Variants in VEZT observed in about 807,000 individuals in gnomAD.
The protein encoded by VEZT is vezatin, adherens junctions transmembrane protein.
VEZT carries 39 observed loss-of-function variants against 79.9 expected under a neutral mutation model. The ratio of observed to expected loss-of-function variants is 0.49; its 90% CI spans 0.38 to 0.64. VEZT has a LOEUF of 0.64. Among genes scored for constraint, VEZT ranks in the 30% least tolerant of loss-of-function variants. The probability of loss-of-function intolerance (pLI) is 0.00; values close to 1 mark genes in which losing one functional copy is unlikely to be tolerated. For missense variants in VEZT, 837 were observed against 893.1 expected, an observed-to-expected ratio of 0.94 and a Z score of 0.80; for synonymous variants, 325 against 327.6, an observed-to-expected ratio of 0.99 and a Z score of 0.09.
intron 1 of VEZT, among the ~76,000 whole-genome samples, chr12:95,233,168 G>A (rs1181427189): frequency 1.3e-5 from 2 of 151,862 alleles, no homozygotes. Flanking sequence ...AAATTCTCAT[G>A]TAATTAGGTA....
chr12:95,278,150 A>G (rs2068176039), intron 7 of VEZT, among the ~76,000 whole-genome samples: 1 of 152,174 alleles, frequency 6.6e-6, no homozygotes, highest in Admixed American at 6.5e-5. Flanking sequence ...AAAGGATTAG[A>G]TGTTTGTCAG....
At chr12:95,226,917 C>G (rs1467072652) in intron 1 of VEZT, among the ~76,000 whole-genome samples, 1 of 137,942 alleles carries the variant, frequency 7.2e-6, no homozygotes, top group Non-Finnish European at 1.5e-5. Context: ...AATCTTCTAC[C>G]ATCATTCTAC....
chr12:95,240,779 A>G (rs2060901939), intron 1 of VEZT, among the ~76,000 whole-genome samples: 1 of 152,162 alleles, frequency 6.6e-6, no homozygotes, highest in Admixed American at 6.6e-5. Flanking sequence ...TTTTCAAATC[A>G]GTCATCGTCC....
At position 95,302,373 on chromosome 12, in the gene VEZT, C is replaced by A. The variant is rs955695326; in HGVS notation, c.*1700C>A. On this transcript the variant is annotated 3_prime_UTR_variant, in exon 12 of 12. Coordinates refer to ENST00000436874, the MANE Select transcript of VEZT (RefSeq NM_017599.4). The stretch of plus-strand genomic sequence containing the variant: ...TATTCAGTGTTCTCTAAGGTGATAC[C>A]TTTTAATTTTGAAAGACTAAATAAT... 2 of 151,938 alleles carry A rather than the reference C, an allele frequency of 1.3e-5. No homozygotes were observed. The highest frequency in any genetic ancestry group is 6.6e-5 in the Admixed American group (1 of 15,242). The allele number at this position is 151,938 out of a possible 1,614,324, so 9.4% of individuals were successfully genotyped here.
In VEZT at chr12:95,301,650, CAA is replaced by C. The variant is rs1401145398; in HGVS notation, c.*979_*980del. The stretch of plus-strand genomic sequence containing the variant: ...CTGTTTTGTGTTGTGATTGCATTTT[CAA>C]AGAGTAATTATTTTCAGCATATACA... On this transcript the variant is annotated 3_prime_UTR_variant, in exon 12 of 12. Transcript: ENST00000436874. The C allele has an allele frequency of 1.3e-5, 2 of 152,190 alleles. No homozygotes were observed. Among genetic ancestry groups the C allele is most frequent in the Non-Finnish European group, 2.9e-5 (2 of 68,036 alleles). The allele number at this position is 152,190 out of a possible 1,614,324, so 9.4% of individuals were successfully genotyped here. A position where few individuals can be genotyped will look rare whatever the true frequency, so the allele number is the denominator to read the frequency against.
chr12:95,295,822 T>C (rs1325928449), intron 10 of VEZT, among the ~76,000 whole-genome samples: 1 of 152,238 alleles, frequency 6.6e-6, no homozygotes, highest in Non-Finnish European at 1.5e-5. Context: ...TGTTAAACTT[T>C]TTTTATCCAC....
At chr12:95,261,008 A>AAC (rs2064368260) in intron 3 of VEZT, among the ~76,000 whole-genome samples, 8 of 150,678 alleles carry the variant, frequency 5.3e-5, no homozygotes, top group Admixed American at 5.3e-4. Context: ...TAGATGGTAA[A>AAC]AAAAAAAAAA....
In VEZT at chr12:95,294,371, A is replaced by T. The variant is rs763045396; in HGVS notation, c.1622A>T (p.Gln541Leu). Residue 541 changes from glutamine (Q) to leucine (L), a missense_variant and splice_region_variant, in exon 10 of 12, where the codon CAG (glutamine) becomes CTG (leucine). Transcript: ENST00000436874. ...IADKDPIPEE[Q>L]ELEAYVDDID... ...GACAAAGATCCAATCCCAGAGGAGC[A>T]GGTAAGGGTGAAAATTACTGTTCTT... The T allele has an allele frequency of 6.4e-7, 1 of 1,571,036 alleles. No homozygotes were observed. Among genetic ancestry groups the T allele is most frequent in the Non-Finnish European group, 8.6e-7 (1 of 1,157,096 alleles).
At chr12:95,287,958 G>A in intron 9 of VEZT, 101 bp downstream of exon 9, 1 of 1,033,798 alleles carries the variant, frequency 9.7e-7, no homozygotes, top group Non-Finnish European at 1.3e-6. Context: ...GATGAAACTA[G>A]CTTCAAAATT....
Position 95,241,981 on chromosome 12 carries a change from A to G in VEZT, c.37-9959A>G, listed in dbSNP as rs1016209259. ...GGCGAAAATATTAAAAAGCGTAGAC[A>G]TTGTTGCAGGAAGTTTGCAAGTCCA... On this transcript the variant is annotated intron_variant, in intron 1 of 11. Transcript: ENST00000436874. Among the ~76,000 whole-genome samples the G allele has an allele frequency of 1.1e-4, 16 of 152,352 alleles. No individual in the cohort carries two copies. The East Asian group carries it at 3.1e-3, about 29-fold the overall frequency.
chr12:95,247,574 G>T (rs2061894156), intron 1 of VEZT, among the ~76,000 whole-genome samples: 1 of 151,926 alleles, frequency 6.6e-6, no homozygotes, highest in Non-Finnish European at 1.5e-5. Flanking sequence ...TTAAATTTTA[G>T]TTTTGAGTTC....
Position 95,296,204 on chromosome 12 carries a change from A to C in VEZT, c.1777A>C (p.Lys593Gln). Residue 593 changes from lysine to glutamine, a missense_variant, in exon 11 of 12, where the codon AAA (lysine) becomes CAA (glutamine). By Grantham distance (53) the Lys-to-Gln change is moderately conservative. Transcript: ENST00000436874. ...LQELKSVLGF[K>Q]ASEAERQKWK... ...AGAATTAAAATCTGTGCTGGGATTT[A>C]AAGCTTCAGAGGCAGAAAGGCAGAA... The C allele has an allele frequency of 6.3e-7, 1 of 1,588,174 alleles. No individual in the cohort carries two copies. Among genetic ancestry groups the C allele is most frequent in the Non-Finnish European group, 8.6e-7 (1 of 1,166,356 alleles).
At chr12:95,233,669 T>A (rs2136958410) in intron 1 of VEZT, among the ~76,000 whole-genome samples, 1 of 152,330 alleles carries the variant, frequency 6.6e-6, no homozygotes, top group Middle Eastern at 3.4e-3. Context: ...CCCAAAGTGC[T>A]GAGATTATAG....
intron 1 of VEZT, among the ~76,000 whole-genome samples, chr12:95,231,148 T>G (rs948555479): frequency 6.6e-6 from 1 of 152,198 alleles, no homozygotes; most frequent in African/African-American, 2.4e-5. Context: ...CAGCGGAAAA[T>G]ATTAGAAGCC....
intron 3 of VEZT, among the ~76,000 whole-genome samples, chr12:95,261,748 A>G (rs2064545640): frequency 6.6e-6 from 1 of 152,124 alleles, no homozygotes; most frequent in Non-Finnish European, 1.5e-5. Context: ...ACAACTTTAA[A>G]TTTTCTTTTG....
In VEZT at chr12:95,251,926, T is replaced by C; in HGVS notation, c.37-14T>C. ...AATGATCTTGAAATTTGCTTTATTT[T>C]GTGTCTTTTTCAGAATTCTCCACTT... is the stretch of plus-strand genomic sequence containing the variant. On this transcript the variant is annotated splice_polypyrimidine_tract_variant and intron_variant, in intron 1 of 11. Transcript: ENST00000436874. 1 of 1,598,868 alleles carries C rather than the reference T, an allele frequency of 6.3e-7. No homozygotes were observed. Among genetic ancestry groups the C allele is most frequent in the South Asian group, 1.1e-5 (1 of 87,388 alleles).
rs1366191339 is a variant in VEZT, at chr12:95,300,203, C to T, written c.1870C>T (p.Pro624Ser). The change falls in exon 12 of 12, where the codon CCC (proline) becomes TCC (serine). Residue 624 changes from proline to serine, a missense_variant. Transcript: ENST00000436874. ...CTTGTCTCCTGTAGACCCAGTGGAA[C>T]CCATAAGTAATTCAGAACCATCAAT... ...KSLSPVDPVE[P>S]ISNSEPSMNS... The T allele has an allele frequency of 2.6e-6, 4 of 1,552,246 alleles. No homozygotes were observed. The South Asian group carries it at 4.8e-5, about 19-fold the overall frequency.
chr12:95,286,062 G>C (rs868414370), intron 8 of VEZT, among the ~76,000 whole-genome samples: 1 of 132,282 alleles, frequency 7.6e-6, no homozygotes. Flanking sequence ...GCATGATCTC[G>C]GCTCACTGCA....
intron 6 of VEZT, among the ~76,000 whole-genome samples, chr12:95,270,999 G>A (rs1428925694): frequency 2.6e-5 from 4 of 152,150 alleles, no homozygotes. Context: ...AAAGTTTACA[G>A]GGTGCTTTAT....
Sources: gnomAD v4.1 joint callset for allele counts (sites outside exome capture counted in the v4.1 genomes callset) on GRCh38, gnomAD v4.1.1 for gene constraint, MANE v1.5 for transcripts, NCBI Gene and HGNC (gene_info 2026-07-23, HGNC 2026-07-21) for gene names.